Variants in SNTG1 observed in about 807,000 individuals in gnomAD.
SNTG1 encodes syntrophin gamma 1, also known as gamma-1-syntrophin.
A neutral mutation model predicts 74.7 loss-of-function variants in SNTG1; 39 were observed. The observed-to-expected ratio is 0.52, with a 90% confidence interval of 0.40 to 0.68. The LOEUF is 0.68. Among genes scored for constraint, SNTG1 ranks in the 30% least tolerant of loss-of-function variants. SNTG1 has a pLI of 0.00. For synonymous variants in SNTG1, 254 were observed against 217.1 expected (o/e 1.17, Z -1.49); for missense variants, 685 against 609.5 (o/e 1.12, Z -1.30).
rs1381048539 is a variant in SNTG1, at chr8:50,376,756, T to TATATAGAGAGAGAGAGAG, written c.-27-17455_-27-17454insTATAGAGAGAGAGAGAGA. ...ATATATATATATATATATATATATATAGAGAGAGAGAGAGAGAGAGAGAGA... is the reference window on the plus strand; with the variant it reads ...ATATATATATATATATATATATATATATATAGAGAGAGAGAGAGAGAGAGAGAGAGAGAGAGAGAGAGA... On this transcript the variant is annotated intron_variant, in intron 2 of 18. Transcript: ENST00000642720. Among the ~76,000 whole-genome samples the TATATAGAGAGAGAGAGAG allele has an allele frequency of 2.6e-3, 230 of 89,908 alleles. 1 individual carries two copies. The highest frequency in any genetic ancestry group is 3.9e-3 in the Non-Finnish European group (174 of 44,604). 59.0% of individuals were successfully genotyped at this position (89,908 alleles called of 152,430 possible).
intron 1 of SNTG1, among the ~76,000 whole-genome samples, chr8:50,072,275 G>A (rs1821436309): frequency 6.6e-6 from 1 of 152,106 alleles, no homozygotes; most frequent in Admixed American, 6.5e-5. Flanking sequence ...TATTAAATGA[G>A]AATACATATG....
At chr8:50,209,784 G>A (rs973283761) in intron 2 of SNTG1, among the ~76,000 whole-genome samples, 3 of 152,200 alleles carry the variant, frequency 2.0e-5, no homozygotes, top group Non-Finnish European at 4.4e-5. Flanking sequence ...CCAGAGCAGA[G>A]AAGCTGAAAT....
intron 18 of SNTG1, among the ~76,000 whole-genome samples, chr8:50,785,261 TA>T (rs1242197343): frequency 6.6e-6 from 1 of 151,854 alleles, no homozygotes; most frequent in Non-Finnish European, 1.5e-5. Context: ...TTTAGTTTTT[TA>T]AAAAGGTTAA....
intron 18 of SNTG1, among the ~76,000 whole-genome samples, chr8:50,756,411 A>T (rs949176739): frequency 6.6e-6 from 1 of 151,828 alleles, no homozygotes. Context: ...GCTGTGTTCC[A>T]TTTGGAATTA....
At chr8:50,080,967 T>C (rs1027348071) in intron 1 of SNTG1, among the ~76,000 whole-genome samples, 6 of 152,126 alleles carry the variant, frequency 3.9e-5, no homozygotes, top group Admixed American at 1.3e-4. Context: ...TCTTCCTACC[T>C]CTTTTGTGCT....
intron 4 of SNTG1, among the ~76,000 whole-genome samples, chr8:50,406,808 C>T (rs549379393): frequency 2.0e-5 from 3 of 152,004 alleles, no homozygotes; most frequent in African/African-American, 7.2e-5. Context: ...ATCATGTGTG[C>T]TTTTTAATTT....
At position 50,784,965 on chromosome 8, in the gene SNTG1, A is replaced by C. The variant is rs543002725; in HGVS notation, c.1396-7706A>C. On this transcript the variant is annotated intron_variant, in intron 18 of 18. Coordinates refer to ENST00000642720, the MANE Select transcript of SNTG1 (RefSeq NM_018967.5). The stretch of plus-strand genomic sequence containing the variant: ...AATTACTAAATAACCAATGGGTCAA[A>C]AAAAATCACGGTGAAATTATAAATT... 6.6e-4 allele frequency among the ~76,000 whole-genome samples: 101 copies of C among 152,294 alleles called. 1 individual carries two copies. The highest frequency in any genetic ancestry group is 3.4e-3 in the Middle Eastern group (1 of 290).
At chr8:50,247,135 T>C (rs527740129) in intron 2 of SNTG1, among the ~76,000 whole-genome samples, 1 of 152,276 alleles carries the variant, frequency 6.6e-6, no homozygotes, top group South Asian at 2.1e-4. Context: ...TCCTTTTCCA[T>C]TAGGGAACGA....
At chr8:50,311,747 C>G (rs1205873371) in intron 2 of SNTG1, among the ~76,000 whole-genome samples, 3 of 152,244 alleles carry the variant, frequency 2.0e-5, no homozygotes, top group Non-Finnish European at 4.4e-5. Context: ...TTGGAAAACT[C>G]TATATCTTGA....
chr8:50,527,881 A>G (rs1585581564), intron 9 of SNTG1, among the ~76,000 whole-genome samples: 1 of 152,102 alleles, frequency 6.6e-6, no homozygotes, highest in East Asian at 1.9e-4. Context: ...ATTATTGCAT[A>G]TCTTTCATTA....
At chr8:49,948,108 G>A (rs1420875653) in intron 1 of SNTG1, among the ~76,000 whole-genome samples, 1 of 151,966 alleles carries the variant, frequency 6.6e-6, no homozygotes, top group Non-Finnish European at 1.5e-5. Flanking sequence ...TCAAGCCTGG[G>A]TGACAGAGCA....
At chr8:50,183,527 T>C (rs139398851) in intron 2 of SNTG1, among the ~76,000 whole-genome samples, 211 of 152,342 alleles carry the variant, frequency 1.4e-3, no homozygotes, top group African/African-American at 4.8e-3. Context: ...CATAGCACGT[T>C]ATGGCTTCAT....
At chr8:50,715,950 T>C (rs2095473952) in intron 17 of SNTG1, among the ~76,000 whole-genome samples, 1 of 152,222 alleles carries the variant, frequency 6.6e-6, no homozygotes, top group South Asian at 2.1e-4. Flanking sequence ...CACTGATTTC[T>C]AGAATCTTTC....
At chr8:50,111,238 C>T (rs1364434261) in intron 1 of SNTG1, among the ~76,000 whole-genome samples, 1 of 152,106 alleles carries the variant, frequency 6.6e-6, no homozygotes, top group African/African-American at 2.4e-5. Context: ...TAAATTGTCT[C>T]TCCCCAAAAC....
At chr8:50,183,483 A>T (rs1254224612) in intron 2 of SNTG1, among the ~76,000 whole-genome samples, 1 of 152,130 alleles carries the variant, frequency 6.6e-6, no homozygotes, top group Non-Finnish European at 1.5e-5. Context: ...TAAGCTGAAG[A>T]CTTCCAGTCC....
At chr8:50,775,792 A>T (rs527463566) in intron 18 of SNTG1, among the ~76,000 whole-genome samples, 1 of 151,676 alleles carries the variant, frequency 6.6e-6, no homozygotes, top group Non-Finnish European at 1.5e-5. Flanking sequence ...TTTGCATCTA[A>T]GTTATTTGAT....
At chr8:50,085,232 A>G (rs1822770599) in intron 1 of SNTG1, among the ~76,000 whole-genome samples, 1 of 152,198 alleles carries the variant, frequency 6.6e-6, no homozygotes, top group Non-Finnish European at 1.5e-5. Context: ...GTCAGAACAA[A>G]CAATTTAGAG....
intron 1 of SNTG1, among the ~76,000 whole-genome samples, chr8:50,165,422 G>A (rs1053716660): frequency 6.6e-6 from 1 of 152,136 alleles, no homozygotes; most frequent in Admixed American, 6.5e-5. Flanking sequence ...ATGTCAAAAC[G>A]TATCCAAAAA....
chr8:50,588,505 T>C (rs1406354245), intron 12 of SNTG1, among the ~76,000 whole-genome samples: 1 of 152,160 alleles, frequency 6.6e-6, no homozygotes, highest in Non-Finnish European at 1.5e-5. Context: ...CACTGAAACA[T>C]GAATAAACAT....
Sources: gnomAD v4.1 joint callset for allele counts (sites outside exome capture counted in the v4.1 genomes callset) on GRCh38, gnomAD v4.1.1 for gene constraint, MANE v1.5 for transcripts, NCBI Gene and HGNC (gene_info 2026-07-23, HGNC 2026-07-21) for gene names.